The following IGF2BP1 variants were observed in gnomAD, a reference collection of about 807,000 sequenced individuals.
IGF2BP1 encodes insulin like growth factor 2 mRNA binding protein 1.
Under a neutral mutation model 74.9 loss-of-function variants are expected in IGF2BP1, and 11 were observed. That is an observed-to-expected ratio of 0.15 (90% CI 0.09 to 0.24). The LOEUF (loss-of-function observed/expected upper bound fraction) is 0.24, where lower values mean the gene tolerates loss of function less well. Among genes scored for constraint, IGF2BP1 ranks in the 10% least tolerant of loss-of-function variants. The probability of loss-of-function intolerance (pLI) is 1.00; values close to 1 mark genes in which losing one functional copy is unlikely to be tolerated. For missense variants in IGF2BP1, 440 were observed against 757.4 expected, an observed-to-expected ratio of 0.58 and a Z score of 4.92; for synonymous variants, 287 against 281.8, an observed-to-expected ratio of 1.02 and a Z score of -0.18.
chr17:49,041,391 C>A lies in IGF2BP1; in HGVS notation c.832C>A (p.Pro278Thr). The A allele has an allele frequency of 6.2e-7, 1 of 1,614,062 alleles. No homozygotes were observed. The highest frequency in any genetic ancestry group is 8.5e-7 in the Non-Finnish European group (1 of 1,180,002). The change falls in exon 8 of 15, where the codon CCC becomes ACC. Residue 278 changes from proline to threonine, a missense_variant. Pro to Thr is a conservative substitution (Grantham distance 38). This residue lies in a region of IGF2BP1 where 184 missense variants were observed against 273.4 expected (regional missense o/e 0.67). Transcript: ENST00000290341. ...AKDTKTADEV[P>T]LKILAHNNFV... ...TGTCTTCCCAAGGGCTGACGAGGTT[C>A]CCCTGAAGATCCTGGCCCATAATAA...
Position 49,042,327 on chromosome 17 carries a change from A to G in IGF2BP1, c.1027A>G (p.Ile343Val). The G allele has an allele frequency of 6.2e-7, 1 of 1,614,114 alleles. No individual in the cohort carries two copies. The highest frequency in any genetic ancestry group is 1.1e-5 in the South Asian group (1 of 91,074). The change falls in exon 9 of 15, where the codon ATA becomes GTA. Residue 343 changes from isoleucine to valine, a missense_variant. Around this residue, in one of 5 missense-constraint regions of IGF2BP1, gnomAD observed 184 missense variants for 273.4 expected, o/e 0.67. Coordinates refer to ENST00000290341, the MANE Select transcript of IGF2BP1 (RefSeq NM_006546.4). Reference sequence around the variant, plus strand: ...GAATTGTTGCAGGGCCGAGCAGGAAATAATGAAGAAAGTTCGGGAGGCCTA... The same window carrying G: ...GAATTGTTGCAGGGCCGAGCAGGAAGTAATGAAGAAAGTTCGGGAGGCCTA... ...IENCCRAEQEIMKKVREAYEN... is the reference protein window; with the variant it reads ...IENCCRAEQEVMKKVREAYEN...
Position 49,041,659 on chromosome 17 carries a change from C to T in IGF2BP1, c.941+159C>T, listed in dbSNP as rs375164198. Among the ~76,000 whole-genome samples the T allele has an allele frequency of 6.6e-5, 10 of 152,158 alleles. No homozygotes were observed. In the East Asian group the frequency reaches 1.7e-3, roughly 26 times the overall value. On this transcript the variant is annotated intron_variant, in intron 8 of 14. Transcript: ENST00000290341. ...AAGTGGTAAAGAGCATTTAAAAAAT[C>T]CCTGTAAGGACTGGATCTGCCCATT...
In IGF2BP1 at chr17:49,040,109, C is replaced by A; in HGVS notation, c.818+18C>A. On this transcript the variant is annotated intron_variant, in intron 7 of 14. Transcript: ENST00000290341. ...ACCAAAACGTAAGTCTCCAGCTTTT[C>A]TTGGATCTTCAGGGTCTGCTAGTCC... is the stretch of plus-strand genomic sequence containing the variant. 1 of 1,613,502 alleles carries A rather than the reference C, an allele frequency of 6.2e-7. No individual in the cohort carries two copies. The highest frequency in any genetic ancestry group is 1.1e-5 in the South Asian group (1 of 90,908).
At chr17:49,010,630 T>C (rs1050790244) in intron 2 of IGF2BP1, among the ~76,000 whole-genome samples, 2 of 152,172 alleles carry the variant, frequency 1.3e-5, no homozygotes, top group African/African-American at 4.8e-5. Flanking sequence ...TGTGTCCCCT[T>C]TCCTGCATTA....
At chr17:49,038,818 G>C (rs962378657) in intron 6 of IGF2BP1, among the ~76,000 whole-genome samples, 1 of 151,794 alleles carries the variant, frequency 6.6e-6, no homozygotes, top group Admixed American at 6.6e-5. Flanking sequence ...TCCAAAATTA[G>C]GACCTTCATA....
chr17:49,025,747 A>G (rs2041844847), intron 3 of IGF2BP1, 81 bp downstream of exon 3: 3 of 1,327,890 alleles, frequency 2.3e-6, no homozygotes, highest in Non-Finnish European at 3.2e-6. Flanking sequence ...AGTTGCCAGA[A>G]ATGATTGGGG....
intron 5 of IGF2BP1, among the ~76,000 whole-genome samples, chr17:49,033,036 C>T (rs1032111609): frequency 1.3e-5 from 2 of 152,208 alleles, no homozygotes; most frequent in African/African-American, 4.8e-5. Context: ...AAGCTGGTCT[C>T]GAACGGCTCA....
chr17:49,038,022 A>G, intron 5 of IGF2BP1, 146 bp from the exon 6 acceptor site: 2 of 602,856 alleles, frequency 3.3e-6, no homozygotes, highest in Non-Finnish European at 5.2e-6. Flanking sequence ...GTTGTGAAAA[A>G]TGGAGGTGGA....
At chr17:49,008,100 A>G (rs1330583041) in intron 2 of IGF2BP1, among the ~76,000 whole-genome samples, 1 of 151,616 alleles carries the variant, frequency 6.6e-6, no homozygotes, top group East Asian at 1.9e-4. Context: ...TGAACCCAGG[A>G]GGCAGAGGTT....
At chr17:49,030,967 T>TTG (rs2041914672) in intron 4 of IGF2BP1, among the ~76,000 whole-genome samples, 1 of 152,006 alleles carries the variant, frequency 6.6e-6, no homozygotes, top group Non-Finnish European at 1.5e-5. Flanking sequence ...TACTCCCAGG[T>TTG]TGTGTGTGTA....
rs1474596864 is a variant in IGF2BP1, at chr17:49,050,147, C to G, written c.*703C>G. Reference sequence around the variant, plus strand: ...TAAAAGGAGCGCACTTGTGGCTGATCTATGCCAGATCACCATCTTCAAATT... The same window carrying G: ...TAAAAGGAGCGCACTTGTGGCTGATGTATGCCAGATCACCATCTTCAAATT... On this transcript the variant is annotated 3_prime_UTR_variant, in exon 15 of 15. Transcript: ENST00000290341. 1 of 152,592 alleles carries G rather than the reference C, an allele frequency of 6.6e-6. No homozygotes were observed. The highest frequency in any genetic ancestry group is 1.9e-4 in the East Asian group (1 of 5,200). 9.5% of individuals were successfully genotyped at this position (152,592 alleles called of 1,614,324 possible).
chr17:49,026,643 T>TCCTG (rs1406345741), intron 4 of IGF2BP1, 126 bp downstream of exon 4: 7 of 553,570 alleles, frequency 1.3e-5, no homozygotes, highest in South Asian at 8.1e-5. Flanking sequence ...CTGCCTTCCT[T>TCCTG]CCTGCCTGCC....
At chr17:49,033,374 C>G (rs2041946876) in intron 5 of IGF2BP1, among the ~76,000 whole-genome samples, 1 of 151,120 alleles carries the variant, frequency 6.6e-6, no homozygotes, top group Admixed American at 6.6e-5. Context: ...CGGAGTCTCA[C>G]TCTGTCGCCC....
rs758505385 is a variant in IGF2BP1, at chr17:49,031,935, G to A, written c.363G>A (p.Val121=). ...EQVNTESETA[V]VNVTYSNREQ... is the part of the protein sequence containing the mutation. ...TGAACACCGAGAGTGAGACGGCAGT[G>A]GTGAATGTCACCTATTCCAACCGGG... The change falls in exon 5 of 15, where the codon GTG becomes GTA. Residue 121 remains valine, a synonymous_variant. Transcript: ENST00000290341. 132 of 1,613,742 alleles carry A rather than the reference G, an allele frequency of 8.2e-5. No individual in the cohort carries two copies. Among genetic ancestry groups the A allele is most frequent in the Non-Finnish European group, 1.0e-4 (123 of 1,179,948 alleles).
At chr17:49,037,262 G>A (rs1016460328) in intron 5 of IGF2BP1, 9 of 442,116 alleles carry the variant, frequency 2.0e-5, no homozygotes, top group East Asian at 6.1e-5. Context: ...GAACCCTTAC[G>A]GTAGGAAAAT....
intron 2 of IGF2BP1, among the ~76,000 whole-genome samples, chr17:49,021,239 T>A (rs768752380): frequency 1.3e-5 from 2 of 152,168 alleles, no homozygotes; most frequent in African/African-American, 2.4e-5. Context: ...TCTTGAGGTA[T>A]GAAGGATGAG....
At chr17:49,004,539 TTAAG>T (rs2041525903) in intron 2 of IGF2BP1, 1 of 152,036 alleles carries the variant, frequency 6.6e-6, no homozygotes, top group Admixed American at 6.6e-5. Flanking sequence ...CCTTAAAGAG[TTAAG>T]TGTCAATTTA....
At chr17:49,001,696 A>C (rs2041490056) in intron 2 of IGF2BP1, among the ~76,000 whole-genome samples, 1 of 152,162 alleles carries the variant, frequency 6.6e-6, no homozygotes, top group African/African-American at 2.4e-5. Flanking sequence ...TTAGTGTTGG[A>C]ATTTGGTTAA....
Position 49,049,680 on chromosome 17 carries a change from C to T in IGF2BP1, c.*236C>T, listed in dbSNP as rs1047844729. On this transcript the variant is annotated 3_prime_UTR_variant, in exon 15 of 15. Transcript: ENST00000290341. ...CCCCTCGGGGTGTCAGAAATTCTAG[C>T]GCAAGGCACTTTTAAACGTGGATTG... 4 of 482,604 alleles carry T rather than the reference C, an allele frequency of 8.3e-6. No homozygotes were observed. Among genetic ancestry groups the T allele is most frequent in the East Asian group, 3.7e-5 (1 of 27,164 alleles). The allele number at this position is 482,604 out of a possible 1,614,324, so 29.9% of individuals were successfully genotyped here.
Sources: gnomAD v4.1 joint callset for allele counts (sites outside exome capture counted in the v4.1 genomes callset) on GRCh38, gnomAD v4.1.1 for gene constraint, gnomAD v4.1.1 regional missense constraint, MANE v1.5 for transcripts, NCBI Gene and HGNC (gene_info 2026-07-23, HGNC 2026-07-21) for gene names.